The following PICALM variants were observed in gnomAD, a reference collection of about 807,000 sequenced individuals.
PICALM encodes the protein phosphatidylinositol binding clathrin assembly protein.
In PICALM, 40 loss-of-function variants were observed where a neutral mutation model predicts 80.5. The observed-to-expected ratio is 0.50, with a 90% CI of 0.39 to 0.65. The LOEUF is 0.65. Ranked by LOEUF, PICALM falls within the 30% of genes least tolerant of loss-of-function variation. The probability of loss-of-function intolerance (pLI) is 0.00; values close to 1 mark genes in which losing one functional copy is unlikely to be tolerated. For missense variants in PICALM, 676 were observed against 778.9 expected, an observed-to-expected ratio of 0.87 and a Z score of 1.57; for synonymous variants, 288 against 260.3, an observed-to-expected ratio of 1.11 and a Z score of -1.02.
intron 5 of PICALM, among the ~76,000 whole-genome samples, chr11:86,013,660 A>C (rs2095435768): frequency 6.6e-6 from 1 of 152,240 alleles, no homozygotes; most frequent in Admixed American, 6.5e-5. Flanking sequence ...AAGAAATTTT[A>C]AACAAATACA....
chr11:85,976,091 C>T (rs1483869076), intron 18 of PICALM, among the ~76,000 whole-genome samples: 1 of 151,530 alleles, frequency 6.6e-6, no homozygotes, highest in Non-Finnish European at 1.5e-5. Flanking sequence ...GCTACTAGCA[C>T]CATTTCTTTT....
Position 86,001,090 on chromosome 11 carries a change from T to C in PICALM, c.962A>G (p.Glu321Gly). 1 of 1,614,140 alleles carries C rather than the reference T, an allele frequency of 6.2e-7. No individual in the cohort carries two copies. Among genetic ancestry groups the C allele is most frequent in the Non-Finnish European group, 8.5e-7 (1 of 1,179,974 alleles). ...CTCTAATGCTGCCTGCTTTTCCCTT[T>C]CATCCACTTTGGTCAGAGATAGACC... Reference protein sequence around the residue: ...STGLSLTKVDEREKQAALEEE... With the variant: ...STGLSLTKVDGREKQAALEEE... Residue 321 changes from glutamate (E) to glycine (G), a missense_variant, in exon 10 of 20, where the codon GAA becomes GGA. Glu to Gly is a moderately conservative substitution (Grantham distance 98, BLOSUM62 -2). Coordinates refer to ENST00000393346, the MANE Select transcript of PICALM (RefSeq NM_007166.4).
chr11:86,058,674 G>A (rs2096307280), intron 1 of PICALM, among the ~76,000 whole-genome samples: 1 of 152,104 alleles, frequency 6.6e-6, no homozygotes, highest in Admixed American at 6.5e-5. Context: ...ATCTCATACA[G>A]CTTCCTTCTA....
In PICALM at chr11:85,981,336, T is replaced by G. The variant is rs905896558; in HGVS notation, c.1680-108A>C. ...GATAGAGACTTGAGGCTGGGCGTGGTGGCTCATGCCTGTAATCCCAGCACT... is the reference window on the plus strand; with the variant it reads ...GATAGAGACTTGAGGCTGGGCGTGGGGGCTCATGCCTGTAATCCCAGCACT... On this transcript the variant is annotated intron_variant, in intron 16 of 19. Transcript: ENST00000393346. 153 of 679,614 alleles carry G rather than the reference T, an allele frequency of 2.3e-4. No individual in the cohort carries two copies. In the East Asian group the frequency reaches 4.3e-3, roughly 19 times the overall value. The allele number at this position is 679,614 out of a possible 1,614,324, so 42.1% of individuals were successfully genotyped here. A position where few individuals can be genotyped will look rare whatever the true frequency, so the allele number is the denominator to read the frequency against.
intron 12 of PICALM, among the ~76,000 whole-genome samples, chr11:85,991,201 A>T (rs1390580499): frequency 2.0e-5 from 3 of 152,194 alleles, no homozygotes; most frequent in Non-Finnish European, 4.4e-5. Context: ...ACTTCTCAAG[A>T]TTTAAAGAGC....
intron 7 of PICALM, among the ~76,000 whole-genome samples, 191 bp from the exon 8 acceptor site, chr11:86,007,774 T>C (rs2095308687): frequency 6.6e-6 from 1 of 152,130 alleles, no homozygotes; most frequent in Non-Finnish European, 1.5e-5. Context: ...CTAAAAGTTC[T>C]TAACAGTAGG....
At chr11:85,961,510 A>T (rs954942931) in intron 19 of PICALM, among the ~76,000 whole-genome samples, 1 of 152,250 alleles carries the variant, frequency 6.6e-6, no homozygotes, top group Non-Finnish European at 1.5e-5. Flanking sequence ...TAAGGCAAGT[A>T]AACAACTGAA....
chr11:86,003,490 G>A, intron 8 of PICALM, 39 bp from the exon 9 acceptor site: 1 of 1,303,546 alleles, frequency 7.7e-7, no homozygotes, highest in East Asian at 2.3e-5. Flanking sequence ...ATGATAATTA[G>A]GCCACTGGTC....
chr11:85,972,118 A>G (rs996250001), intron 19 of PICALM, among the ~76,000 whole-genome samples: 2 of 151,946 alleles, frequency 1.3e-5, no homozygotes, highest in South Asian at 2.1e-4. Context: ...TTTTGCCAAC[A>G]TTAAAAAAAA....
chr11:86,014,839 T>TA, intron 5 of PICALM, 31 bp downstream of exon 5: 1 of 1,301,418 alleles, frequency 7.7e-7, no homozygotes, highest in Non-Finnish European at 1.1e-6. Context: ...CCTAATTTTT[T>TA]AAAATCTTAA....
chr11:85,984,068 A>T, intron 13 of PICALM, 95 bp from the exon 14 acceptor site: 1 of 623,946 alleles, frequency 1.6e-6, no homozygotes. Context: ...AAATGCACTA[A>T]ATTCCCCACA....
At chr11:86,054,909 T>C (rs1338714525) in intron 1 of PICALM, among the ~76,000 whole-genome samples, 1 of 152,156 alleles carries the variant, frequency 6.6e-6, no homozygotes, top group East Asian at 1.9e-4. Context: ...AGTGCTGGGA[T>C]TACAGGCGTG....
intron 1 of PICALM, among the ~76,000 whole-genome samples, chr11:86,032,955 A>G (rs2095784162): frequency 6.6e-6 from 1 of 152,218 alleles, no homozygotes; most frequent in Non-Finnish European, 1.5e-5. Context: ...ATTTTAGATA[A>G]GCAGCTACGG....
intron 1 of PICALM, among the ~76,000 whole-genome samples, chr11:86,040,390 A>G (rs1291694099): frequency 6.6e-6 from 1 of 152,094 alleles, no homozygotes; most frequent in Non-Finnish European, 1.5e-5. Flanking sequence ...TATAGAGACG[A>G]GGTCTCCCCC....
chr11:86,013,977 C>T (rs527282371), intron 5 of PICALM, among the ~76,000 whole-genome samples: 2 of 152,256 alleles, frequency 1.3e-5, no homozygotes, highest in South Asian at 4.1e-4. Flanking sequence ...TACAAAATAC[C>T]ATTTAATTAT....
chr11:85,990,422 A>G (rs1360789581), intron 12 of PICALM, 23 bp from the exon 13 acceptor site: 17 of 1,473,136 alleles, frequency 1.2e-5, no homozygotes, highest in Non-Finnish European at 1.3e-5. Context: ...AATGTATTAT[A>G]GCAAAATGAA....
At chr11:86,020,988 G>A (rs1030907929) in intron 4 of PICALM, among the ~76,000 whole-genome samples, 9 of 152,134 alleles carry the variant, frequency 5.9e-5, no homozygotes, top group Non-Finnish European at 4.4e-5. Context: ...TAAGAAACTG[G>A]TGCCCAGAAC....
At chr11:86,014,503 C>T (rs2095449116) in intron 5 of PICALM, among the ~76,000 whole-genome samples, 1 of 152,182 alleles carries the variant, frequency 6.6e-6, no homozygotes, top group African/African-American at 2.4e-5. Context: ...AATTGCCATG[C>T]TTTGAGTCCC....
Position 86,015,679 on chromosome 11 carries a change from C to G in PICALM, c.453-716G>C, listed in dbSNP as rs143478213. 2.3e-3 allele frequency among the ~76,000 whole-genome samples: 348 copies of G among 152,272 alleles called. 2 individuals carry two copies. Among genetic ancestry groups the G allele is most frequent in the African/African-American group, 8.0e-3 (334 of 41,554 alleles). On this transcript the variant is annotated intron_variant, in intron 4 of 19. Transcript: ENST00000393346. Reference sequence around the variant, plus strand: ...TGAAAGGTACTGGGGCTAACGTACACAACTAATATTAAGAGCTTATTATAT... The same window carrying G: ...TGAAAGGTACTGGGGCTAACGTACAGAACTAATATTAAGAGCTTATTATAT...
Sources: gnomAD v4.1 joint callset for allele counts (sites outside exome capture counted in the v4.1 genomes callset) on GRCh38, gnomAD v4.1.1 for gene constraint, MANE v1.5 for transcripts, NCBI Gene and HGNC (gene_info 2026-07-23, HGNC 2026-07-21) for gene names.